The following ACCSL variants were observed in gnomAD, a reference collection of about 807,000 sequenced individuals.
The protein encoded by ACCSL is probable inactive 1-aminocyclopropane-1-carboxylate synthase-like protein 2.
A neutral mutation model predicts 61.7 loss-of-function variants in ACCSL; 55 were observed. The observed-to-expected ratio is 0.89, with a 90% confidence interval of 0.72 to 1.12. ACCSL has a LOEUF of 1.12. Among genes scored for constraint, ACCSL ranks in the 50% most tolerant of loss-of-function variants. The pLI is 0.00. For missense variants in ACCSL, 632 were observed against 698.0 expected (o/e 0.91, Z 1.07); for synonymous variants, 258 against 264.3 (o/e 0.98, Z 0.23).
chr11:43,999,196 C>A, the ACCSL span, among the ~76,000 whole-genome samples: 4,548 of 152,218 alleles, frequency 0.03, 108 homozygotes, highest in Non-Finnish European at 0.047. Flanking sequence ...CAACATTTAC[C>A]GAACCCTTAC....
the ACCSL span, among the ~76,000 whole-genome samples, chr11:44,014,848 C>T: frequency 1.3e-5 from 2 of 152,308 alleles, no homozygotes. Flanking sequence ...AGGTATGGGC[C>T]TGGGCCTCTA....
chr11:44,033,768 G>A, the ACCSL span, among the ~76,000 whole-genome samples: 1 of 152,132 alleles, frequency 6.6e-6, no homozygotes, highest in Non-Finnish European at 1.5e-5. Context: ...TGTTTGGGGG[G>A]AGAGTAAACA....
chr11:44,006,592 A>C, the ACCSL span, among the ~76,000 whole-genome samples: 2 of 139,900 alleles, frequency 1.4e-5, no homozygotes, highest in Non-Finnish European at 3.0e-5. Flanking sequence ...TGCAGCCTCC[A>C]TCTCCTGGGT....
At chr11:43,942,269 G>A in the ACCSL span, 11 of 165,892 alleles carry the variant, frequency 6.6e-5, no homozygotes, top group Non-Finnish European at 1.2e-4. Flanking sequence ...GGACCAGGGG[G>A]CGGGGGAGGG....
the ACCSL span, among the ~76,000 whole-genome samples, chr11:44,020,776 C>T: frequency 6.6e-6 from 1 of 152,040 alleles, no homozygotes; most frequent in Non-Finnish European, 1.5e-5. Context: ...ATTCCTCACC[C>T]CCCTCCCACC....
chr11:44,017,059 C>T, the ACCSL span, among the ~76,000 whole-genome samples: 1 of 152,152 alleles, frequency 6.6e-6, no homozygotes, highest in African/African-American at 2.4e-5. Flanking sequence ...TGAAACCAGC[C>T]TCTGCCCTCC....
chr11:43,934,621 C>A, the ACCSL span, among the ~76,000 whole-genome samples: 1 of 152,180 alleles, frequency 6.6e-6, no homozygotes, highest in East Asian at 1.9e-4. Context: ...AGGGAGAGTT[C>A]TGGGTGAGGC....
the ACCSL span, among the ~76,000 whole-genome samples, chr11:43,993,595 T>G: frequency 6.6e-6 from 1 of 152,198 alleles, no homozygotes. Flanking sequence ...TCCCCAACAC[T>G]TCCAGCCATT....
the ACCSL span, among the ~76,000 whole-genome samples, chr11:44,027,299 A>T: frequency 2.1e-4 from 32 of 152,276 alleles, no homozygotes; most frequent in East Asian, 4.8e-3. Flanking sequence ...TAGATCTTTC[A>T]TGGGTATGTG....
the ACCSL span, among the ~76,000 whole-genome samples, chr11:43,976,266 A>G: frequency 2.0e-5 from 3 of 152,164 alleles, no homozygotes; most frequent in Non-Finnish European, 4.4e-5. Flanking sequence ...ACAAATCACA[A>G]GGGACAGAGG....
At chr11:43,931,666 G>T in the ACCSL span, among the ~76,000 whole-genome samples, 1 of 152,180 alleles carries the variant, frequency 6.6e-6, no homozygotes, top group African/African-American at 2.4e-5. Flanking sequence ...TACATTTAAG[G>T]GTGAGATGAT....
chr11:44,029,491 C>T, the ACCSL span, among the ~76,000 whole-genome samples: 2 of 152,226 alleles, frequency 1.3e-5, no homozygotes, highest in Non-Finnish European at 1.5e-5. Context: ...AGAGTAGGTG[C>T]TCAGTCATTA....
At chr11:43,969,460 C>G in the ACCSL span, among the ~76,000 whole-genome samples, 1 of 152,112 alleles carries the variant, frequency 6.6e-6, no homozygotes, top group Non-Finnish European at 1.5e-5. Flanking sequence ...AAATTTTTTA[C>G]GAAGATTAGT....
At chr11:44,034,033 G>A in the ACCSL span, among the ~76,000 whole-genome samples, 12 of 152,284 alleles carry the variant, frequency 7.9e-5, no homozygotes, top group South Asian at 4.2e-4. Context: ...AAGCCCAGCC[G>A]GGCTTGGGCT....
At chr11:43,957,350 G>T in the ACCSL span, among the ~76,000 whole-genome samples, 1 of 148,466 alleles carries the variant, frequency 6.7e-6, no homozygotes, top group African/African-American at 2.5e-5. Context: ...TGGATTCAAA[G>T]ATTTCCTGAT....
intron 2 of ACCSL, 74 bp from the exon 3 acceptor site, chr11:44,050,478 G>A (rs1952629734): frequency 4.4e-6 from 6 of 1,351,084 alleles, no homozygotes; most frequent in South Asian, 1.2e-5. Context: ...AAACACTCAT[G>A]TACAAACTAG....
the ACCSL span, among the ~76,000 whole-genome samples, chr11:43,962,830 G>T: frequency 1.1e-4 from 17 of 152,202 alleles, no homozygotes; most frequent in Non-Finnish European, 1.8e-4. Flanking sequence ...AACCGTAAAA[G>T]CCTGTAACTG....
the ACCSL span, among the ~76,000 whole-genome samples, chr11:43,963,236 G>A: frequency 6.6e-6 from 1 of 152,162 alleles, no homozygotes; most frequent in Non-Finnish European, 1.5e-5. Flanking sequence ...GTGGCTGGAG[G>A]GATGGGCTAT....
the ACCSL span, among the ~76,000 whole-genome samples, chr11:43,978,683 T>C: frequency 6.6e-6 from 1 of 151,622 alleles, no homozygotes; most frequent in African/African-American, 2.4e-5. Context: ...TTTCTTTCCC[T>C]GCTTGAGACA....
Sources: allele counts gnomAD v4.1 joint callset (sites outside exome capture counted in the v4.1 genomes callset), GRCh38; gene constraint gnomAD v4.1.1; transcripts MANE v1.5; gene names NCBI Gene and HGNC (gene_info 2026-07-23, HGNC 2026-07-21).